The following PDE10A variants were observed in gnomAD, a reference collection of about 807,000 sequenced individuals.
PDE10A encodes phosphodiesterase 10A.
A neutral mutation model predicts 97.7 loss-of-function variants in PDE10A; 39 were observed. That is an observed-to-expected ratio of 0.40 (90% CI 0.31 to 0.52). The LOEUF is 0.52. Among genes scored for constraint, PDE10A ranks in the 20% least tolerant of loss-of-function variants. The probability of loss-of-function intolerance (pLI) is 0.56; values close to 1 mark genes in which losing one functional copy is unlikely to be tolerated. For missense variants in PDE10A, 731 were observed against 1,047.8 expected (o/e 0.70, Z 4.17); for synonymous variants, 371 against 376.8 (o/e 0.98, Z 0.18).
At chr6:165,818,561 A>G (rs1267148815) in intron 1 of PDE10A, among the ~76,000 whole-genome samples, 1 of 152,258 alleles carries the variant, frequency 6.6e-6, no homozygotes, top group Non-Finnish European at 1.5e-5. Flanking sequence ...GTTTGCCCTT[A>G]GATCAGAGAT....
intron 1 of PDE10A, among the ~76,000 whole-genome samples, chr6:165,566,012 C>A (rs1784759323): frequency 6.6e-6 from 1 of 151,994 alleles, no homozygotes; most frequent in Admixed American, 6.6e-5. Context: ...TATAGATGAA[C>A]CTGGGCATGT....
chr6:165,904,073 T>G (rs1386293891), intron 1 of PDE10A, among the ~76,000 whole-genome samples: 5 of 152,118 alleles, frequency 3.3e-5, no homozygotes, highest in African/African-American at 1.2e-4. Flanking sequence ...AGTAGGGCAG[T>G]AACTGGAGAG....
chr6:165,395,264 T>C lies in PDE10A; in HGVS notation c.2220A>G (p.Leu740=), dbSNP rs150587082. ...CAAAAGGACCAATGTCAAAGTGGAA[T>C]CTGAAATTTTAAAAGGGCAGTTTAT... is the stretch of plus-strand genomic sequence containing the variant. ...LPVRLCKEIE[L]FHFDIGPFEN... Residue 740 remains leucine (L), a splice_region_variant and synonymous_variant, in exon 15 of 22, where the codon TTA becomes TTG. Transcript: ENST00000539869. 1.9e-6 allele frequency: 3 copies of C among 1,610,530 alleles called. No individual in the cohort carries two copies. The highest frequency in any genetic ancestry group is 2.5e-6 in the Non-Finnish European group (3 of 1,177,016).
chr6:165,892,184 G>A (rs1238163688), intron 1 of PDE10A, among the ~76,000 whole-genome samples: 7 of 152,284 alleles, frequency 4.6e-5, no homozygotes, highest in African/African-American at 7.2e-5. Flanking sequence ...TCTTGGTACC[G>A]CTGGGATGTG....
At chr6:165,384,081 C>T (rs980155697) in intron 17 of PDE10A, among the ~76,000 whole-genome samples, 2 of 152,044 alleles carry the variant, frequency 1.3e-5, no homozygotes, top group African/African-American at 4.8e-5. Flanking sequence ...TCCAGAGGCC[C>T]CAGAGAGTCA....
intron 1 of PDE10A, among the ~76,000 whole-genome samples, chr6:165,600,347 G>A (rs1192248511): frequency 6.6e-6 from 1 of 152,220 alleles, no homozygotes; most frequent in African/African-American, 2.4e-5. Context: ...AAAATGGAGT[G>A]AATGAGTTCT....
intron 2 of PDE10A, among the ~76,000 whole-genome samples, chr6:165,483,908 T>C (rs554459602): frequency 1.6e-4 from 24 of 152,356 alleles, no homozygotes; most frequent in Admixed American, 3.3e-4. Context: ...GTGCATAAGA[T>C]AGCCTGTGAC....
At chr6:165,660,624 G>C (rs1194220318) in intron 1 of PDE10A, 2 of 152,578 alleles carry the variant, frequency 1.3e-5, no homozygotes, top group African/African-American at 2.4e-5. Context: ...GAGCAGCTTC[G>C]GCCGCAGGGA....
At chr6:165,515,720 C>A (rs899798466) in intron 2 of PDE10A, among the ~76,000 whole-genome samples, 5 of 151,996 alleles carry the variant, frequency 3.3e-5, no homozygotes, top group African/African-American at 7.3e-5. Flanking sequence ...GACGGGGATT[C>A]ACCATGTTGA....
At chr6:165,942,776 G>A (rs1036465521) in intron 1 of PDE10A, among the ~76,000 whole-genome samples, 10 of 152,118 alleles carry the variant, frequency 6.6e-5, no homozygotes, top group African/African-American at 2.4e-4. Flanking sequence ...TTACGACAAG[G>A]CCCTCCAGGA....
intron 1 of PDE10A, among the ~76,000 whole-genome samples, chr6:165,865,752 T>TTA (rs1554333797): frequency 7.3e-5 from 11 of 151,604 alleles, no homozygotes; most frequent in African/African-American, 1.4e-4. Context: ...AAAAAAGGGA[T>TTA]AAAAAAAAGA....
At chr6:165,865,705 A>G (rs531628376) in intron 1 of PDE10A, among the ~76,000 whole-genome samples, 11 of 152,030 alleles carry the variant, frequency 7.2e-5, no homozygotes, top group Admixed American at 1.3e-4. Flanking sequence ...TATTTTCTGC[A>G]CTTGAAGACA....
intron 1 of PDE10A, among the ~76,000 whole-genome samples, chr6:165,942,610 C>G (rs187595933): frequency 3.3e-5 from 5 of 152,300 alleles, no homozygotes; most frequent in African/African-American, 1.2e-4. Context: ...TGCTCACCTG[C>G]CCTTGCCTTG....
At chr6:165,609,236 A>T (rs944494908) in intron 1 of PDE10A, among the ~76,000 whole-genome samples, 1 of 152,238 alleles carries the variant, frequency 6.6e-6, no homozygotes, top group Non-Finnish European at 1.5e-5. Context: ...TCCAGCATAT[A>T]AACAGAACCA....
At chr6:165,764,597 A>G (rs867995353) in intron 1 of PDE10A, among the ~76,000 whole-genome samples, 154 of 152,026 alleles carry the variant, frequency 1.0e-3, no homozygotes, top group African/African-American at 3.5e-3. Context: ...TCAGGAGTGA[A>G]GCTGCAGACC....
chr6:165,855,750 C>A (rs1780714100), intron 1 of PDE10A, among the ~76,000 whole-genome samples: 1 of 151,972 alleles, frequency 6.6e-6, no homozygotes, highest in Non-Finnish European at 1.5e-5. Context: ...GAGCCCGCAA[C>A]GGGTGAGCCT....
intron 1 of PDE10A, among the ~76,000 whole-genome samples, chr6:165,736,431 A>T (rs1186500661): frequency 2.6e-5 from 4 of 152,166 alleles, no homozygotes; most frequent in Non-Finnish European, 5.9e-5. Context: ...CAGTGTCAAG[A>T]AAGATACTCC....
intron 18 of PDE10A, among the ~76,000 whole-genome samples, chr6:165,359,381 G>A (rs1271511351): frequency 6.6e-6 from 1 of 152,088 alleles, no homozygotes; most frequent in Non-Finnish European, 1.5e-5. Context: ...CATAGGATTT[G>A]GAACAGACAG....
At chr6:165,987,448 C>A (rs1293791016) in intron 1 of PDE10A, 2 of 336,398 alleles carry the variant, frequency 5.9e-6, no homozygotes, top group South Asian at 2.3e-5. Context: ...TTTAAGTACA[C>A]GCACACACAC....
Sources: allele counts gnomAD v4.1 joint callset (sites outside exome capture counted in the v4.1 genomes callset), GRCh38; gene constraint gnomAD v4.1.1; transcripts MANE v1.5; gene names NCBI Gene and HGNC (gene_info 2026-07-23, HGNC 2026-07-21).